The following PCDHGA3 variants were observed in gnomAD, a reference collection of about 807,000 sequenced individuals.
PCDHGA3 encodes the protein protocadherin gamma-A3.
Under a neutral mutation model 58.5 loss-of-function variants are expected in PCDHGA3, and 40 were observed. The observed-to-expected ratio is 0.68, with a 90% CI of 0.53 to 0.89. PCDHGA3 has a LOEUF of 0.89. PCDHGA3 is among the 40% of genes least tolerant of loss of function. The probability of loss-of-function intolerance (pLI) is 0.00; values close to 1 mark genes in which losing one functional copy is unlikely to be tolerated. For synonymous variants in PCDHGA3, 530 were observed against 525.7 expected (o/e 1.01, Z -0.11); for missense variants, 1,223 against 1,195.9 (o/e 1.02, Z -0.33).
chr5:141,431,995 G>A lies in PCDHGA3; in HGVS notation c.2425-62812G>A. 6.2e-7 allele frequency: 1 copy of A among 1,614,048 alleles called. No individual in the cohort carries two copies. Among genetic ancestry groups the A allele is most frequent in the East Asian group, 2.2e-5 (1 of 44,898 alleles). The stretch of plus-strand genomic sequence containing the variant: ...TAGTCACAGACATAGTCTTGGATAG[G>A]GAACAGGTTCCTAGCTACAACATCA... On this transcript the variant is annotated intron_variant, in intron 1 of 3. Coordinates refer to ENST00000253812, the MANE Select transcript of PCDHGA3 (RefSeq NM_018916.4). This position sits in a 1 kb window ranked among gnomAD's most constrained non-coding sequence, Gnocchi z 4.8.
At chr5:141,375,223 C>T in intron 1 of PCDHGA3, 4 of 1,613,982 alleles carry the variant, frequency 2.5e-6, no homozygotes, top group Non-Finnish European at 3.4e-6. Flanking sequence ...GCCTGAATGG[C>T]CTGGTAACCT....
chr5:141,371,207 G>A, intron 1 of PCDHGA3: 1 of 1,613,764 alleles, frequency 6.2e-7, no homozygotes, highest in African/African-American at 1.3e-5. Context: ...ACATGGATGA[G>A]GGCATCAATG....
chr5:141,402,872 T>A, intron 1 of PCDHGA3: 1 of 1,455,372 alleles, frequency 6.9e-7, no homozygotes, highest in Non-Finnish European at 9.1e-7. Flanking sequence ...AAGATCACCA[T>A]ACTTTGCAGG....
intron 1 of PCDHGA3, among the ~76,000 whole-genome samples, chr5:141,436,374 G>C (rs2154557079): frequency 6.6e-6 from 1 of 152,248 alleles, no homozygotes; most frequent in East Asian, 1.9e-4. Context: ...TCCAGTTTAA[G>C]CTGAATAGGC....
chr5:141,411,765 T>A (rs796485295), intron 1 of PCDHGA3: 1 of 152,418 alleles, frequency 6.6e-6, no homozygotes, highest in South Asian at 2.1e-4. Context: ...GCCTGTGGTC[T>A]CAGCTACTCT....
intron 1 of PCDHGA3, chr5:141,410,489 G>T (rs1233643247): frequency 1.9e-6 from 3 of 1,613,854 alleles, no homozygotes; most frequent in Non-Finnish European, 1.7e-6. Context: ...GGGTACAAAA[G>T]AGTTTAATTT....
chr5:141,425,962 C>T (rs2096906059), intron 1 of PCDHGA3, among the ~76,000 whole-genome samples: 2 of 152,236 alleles, frequency 1.3e-5, no homozygotes, highest in African/African-American at 2.4e-5. Flanking sequence ...TAGTCCAACA[C>T]ATCAGTCTAA....
chr5:141,389,910 C>T (rs1417147488), intron 1 of PCDHGA3: 21 of 1,614,080 alleles, frequency 1.3e-5, no homozygotes, highest in Non-Finnish European at 1.7e-5. Flanking sequence ...TATCACTGAC[C>T]GCCCCGACCC....
At chr5:141,417,556 A>C (rs1240389709) in intron 1 of PCDHGA3, 1 of 333,096 alleles carries the variant, frequency 3.0e-6, no homozygotes, top group Non-Finnish European at 5.4e-6. Context: ...TGAAAGAGGT[A>C]GAGAAAAGTC....
chr5:141,458,506 A>G (rs1443711702), intron 1 of PCDHGA3, among the ~76,000 whole-genome samples: 1 of 150,282 alleles, frequency 6.7e-6, no homozygotes, highest in Non-Finnish European at 1.5e-5. Flanking sequence ...ATACTGTTTG[A>G]CACTTTGTTT....
At chr5:141,355,744 G>A (rs1302771469) in intron 1 of PCDHGA3, 1 of 1,613,960 alleles carries the variant, frequency 6.2e-7, no homozygotes, top group Non-Finnish European at 8.5e-7. Context: ...TTCCCTGGAC[G>A]TGCAAAGTGG....
At chr5:141,360,270 G>C (rs1761507525) in intron 1 of PCDHGA3, 4 of 1,613,904 alleles carry the variant, frequency 2.5e-6, no homozygotes, top group South Asian at 1.1e-5. Context: ...CCAAAAACTC[G>C]GTCGTAGGAA....
chr5:141,470,869 T>C (rs1215083835), intron 1 of PCDHGA3, among the ~76,000 whole-genome samples: 1 of 151,910 alleles, frequency 6.6e-6, no homozygotes, highest in African/African-American at 2.4e-5. Context: ...TTTGTTTGTT[T>C]GTTTTTTTGT....
At position 141,431,696 on chromosome 5, in the gene PCDHGA3, G is replaced by T; in HGVS notation, c.2425-63111G>T. ...AGGGGAGTTGGACCACGAGGAGTCA[G>T]GATTCTACCAGATGGAAGTGCAAGC... On this transcript the variant is annotated intron_variant, in intron 1 of 3. Transcript: ENST00000253812. The surrounding 1 kb of genome is among the most constrained non-coding windows in gnomAD (Gnocchi z 4.8). 6.2e-7 allele frequency: 1 copy of T among 1,614,238 alleles called. No individual in the cohort carries two copies. Among genetic ancestry groups the T allele is most frequent in the Non-Finnish European group, 8.5e-7 (1 of 1,180,038 alleles).
chr5:141,356,155 G>A lies in PCDHGA3; in HGVS notation c.2424+9698G>A, dbSNP rs542430789. 3.1e-6 allele frequency: 5 copies of A among 1,613,388 alleles called. No homozygotes were observed. In the South Asian group the frequency reaches 5.5e-5, roughly 18 times the overall value. Reference sequence around the variant, plus strand: ...GGACTCTGGATTCTATGACATAGATGTAGAAGCCCATGATGGGCCTGGTCT... The same window carrying A: ...GGACTCTGGATTCTATGACATAGATATAGAAGCCCATGATGGGCCTGGTCT... On this transcript the variant is annotated intron_variant, in intron 1 of 3. Transcript: ENST00000253812.
intron 1 of PCDHGA3, chr5:141,389,992 T>A: frequency 6.2e-7 from 1 of 1,614,010 alleles, no homozygotes. Context: ...CTCTTCCTCG[T>A]GGCCATGATT....
At chr5:141,498,971 G>GGGAGGGAAGGAAGGAAGGAA (rs2099787588) in intron 2 of PCDHGA3, among the ~76,000 whole-genome samples, 11 of 111,048 alleles carry the variant, frequency 9.9e-5, no homozygotes, top group African/African-American at 3.2e-4. Context: ...GAGGGAGGGA[G>GGGAGGGAAGGAAGGAAGGAA]GGAAGGAAGG....
chr5:141,455,158 T>TG (rs1279537888), intron 1 of PCDHGA3, among the ~76,000 whole-genome samples: 46 of 145,032 alleles, frequency 3.2e-4, no homozygotes, highest in African/African-American at 1.0e-3. Flanking sequence ...ATTAGTTTGT[T>TG]GGTTTTTTTT....
chr5:141,422,975 C>T (rs751065595), intron 1 of PCDHGA3: 130 of 1,614,092 alleles, frequency 8.1e-5, no homozygotes, highest in Non-Finnish European at 1.0e-4. Context: ...CCCCGCTCTG[C>T]GGAACCTGGC....
Sources: allele counts gnomAD v4.1 joint callset (sites outside exome capture counted in the v4.1 genomes callset), GRCh38; gene constraint gnomAD v4.1.1; non-coding constraint Gnocchi (gnomAD v3.1); transcripts MANE v1.5; gene names NCBI Gene and HGNC (gene_info 2026-07-23, HGNC 2026-07-21).